RGL3: variants seen among roughly 807,000 people sequenced by gnomAD.
RGL3 encodes the protein ral guanine nucleotide dissociation stimulator-like 3.
RGL3 carries 85 observed loss-of-function variants against 90.6 expected under a neutral mutation model. That is an observed-to-expected ratio of 0.94 (90% CI 0.79 to 1.12). RGL3 has a LOEUF of 1.12. Among genes scored for constraint, RGL3 ranks in the 50% most tolerant of loss-of-function variants. The pLI is 0.00. For missense variants in RGL3, 1,034 were observed against 939.2 expected (o/e 1.10, Z -1.32); for synonymous variants, 408 against 385.5 (o/e 1.06, Z -0.68).
In RGL3 at chr19:11,405,183, C is replaced by G. The variant is rs57743259; in HGVS notation, c.1149G>C (p.Glu383Asp). 7.4e-6 allele frequency: 12 copies of G among 1,614,016 alleles called. No homozygotes were observed. Among genetic ancestry groups the G allele is most frequent in the Non-Finnish European group, 1.0e-5 (12 of 1,180,018 alleles). ...FRKLSQIFSD[E>D]NNHLSSREIL... The stretch of plus-strand genomic sequence containing the variant: ...TCTCTCTGCTGCTGAGGTGGTTGTT[C>G]TCATCGGAGAAAATCTGCGAAAGTT... Residue 383 changes from glutamate to aspartate, a missense_variant, in exon 9 of 19, where the codon GAG (glutamate) becomes GAC (aspartate). Glu to Asp is a conservative substitution (Grantham distance 45). Coordinates refer to ENST00000380456, the MANE Select transcript of RGL3 (RefSeq NM_001035223.4).
In RGL3 at chr19:11,402,687, G is replaced by C. The variant is rs751368668; in HGVS notation, c.1205C>G (p.Ser402Cys). 24 of 1,613,696 alleles carry C rather than the reference G, an allele frequency of 1.5e-5. No homozygotes were observed. In the Admixed American group the frequency reaches 2.5e-4, roughly 17 times the overall value. The change falls in exon 10 of 19, where the codon TCC becomes TGC. Residue 402 changes from serine (S) to cysteine (C), a missense_variant. Coordinates refer to ENST00000380456, the MANE Select transcript of RGL3 (RefSeq NM_001035223.4). Reference protein sequence around the residue: ...ILFQEEATEGSQEEDNTPGSL... With the variant: ...ILFQEEATEGCQEEDNTPGSL... Reference sequence around the variant, plus strand: ...GCCTGGGGTGTTGTCCTCTTCTTGGGATCCCTCAGTGGCCTCCTCCTGAGG... The same window carrying C: ...GCCTGGGGTGTTGTCCTCTTCTTGGCATCCCTCAGTGGCCTCCTCCTGAGG...
intron 9 of RGL3, among the ~76,000 whole-genome samples, chr19:11,404,827 T>C (rs1599434423): frequency 6.6e-6 from 1 of 152,342 alleles, no homozygotes; most frequent in African/African-American, 2.4e-5. Context: ...TTTTTAGTTT[T>C]GCTTATCAAG....
chr19:11,397,966 G>A (rs1344385556), intron 16 of RGL3, among the ~76,000 whole-genome samples: 9 of 151,966 alleles, frequency 5.9e-5, no homozygotes, highest in African/African-American at 1.4e-4. Flanking sequence ...CCAAGATCAC[G>A]CTACTGCACT....
intron 7 of RGL3, 66 bp from the exon 8 acceptor site, chr19:11,405,492 A>ATT: frequency 3.0e-5 from 4 of 132,458 alleles, no homozygotes; most frequent in South Asian, 8.4e-5. Context: ...AAACTTCTTC[A>ATT]TCTTTTTTTT....
chr19:11,394,333 C>A lies in RGL3; in HGVS notation c.*69G>T. On this transcript the variant is annotated 3_prime_UTR_variant, in exon 19 of 19. Transcript: ENST00000380456. ...CACAGTGGCCTCTACTGGGGGATGG[C>A]AGCTTTCCAGGAGAAGAGTCGCAAG... 8.1e-7 allele frequency: 1 copy of A among 1,233,582 alleles called. No individual in the cohort carries two copies. Among genetic ancestry groups the A allele is most frequent in the Non-Finnish European group, 1.2e-6 (1 of 834,516 alleles). The allele number at this position is 1,233,582 out of a possible 1,614,324, so 76.4% of individuals were successfully genotyped here. A position where few individuals can be genotyped will look rare whatever the true frequency, so the allele number is the denominator to read the frequency against.
In RGL3 at chr19:11,406,415, A is replaced by T; in HGVS notation, c.996+4T>A. The T allele has an allele frequency of 6.5e-7, 1 of 1,530,444 alleles. No individual in the cohort carries two copies. The highest frequency in any genetic ancestry group is 8.8e-7 in the Non-Finnish European group (1 of 1,142,164). 94.8% of individuals were successfully genotyped at this position (1,530,444 alleles called of 1,614,324 possible). Reference sequence around the variant, plus strand: ...CGCATCCCCTCTCCGCGCCCGCAACACACCTGGGCGATGCGGATCCACTTC... The same window carrying T: ...CGCATCCCCTCTCCGCGCCCGCAACTCACCTGGGCGATGCGGATCCACTTC... On this transcript the variant is annotated splice_donor_region_variant and intron_variant, in intron 7 of 18. Coordinates refer to ENST00000380456, the MANE Select transcript of RGL3 (RefSeq NM_001035223.4).
At chr19:11,397,194 C>G in intron 18 of RGL3, 50 bp downstream of exon 18, 1 of 1,521,900 alleles carries the variant, frequency 6.6e-7, no homozygotes, top group East Asian at 2.3e-5. Flanking sequence ...GGTCAGTCTG[C>G]TCGCCTCCCC....
chr19:11,400,009 C>T, intron 15 of RGL3, 31 bp downstream of exon 15: 1 of 1,601,534 alleles, frequency 6.2e-7, no homozygotes. Context: ...ATCCCATGAT[C>T]CCCAGTCCCA....
intron 5 of RGL3, among the ~76,000 whole-genome samples, chr19:11,414,327 A>ATATATATATATACCTT (rs1424322614): frequency 1.7e-5 from 1 of 58,204 alleles, no homozygotes; most frequent in Non-Finnish European, 2.9e-5. Context: ...ATACCTTCAT[A>ATATATATATATACCTT]TATATATATA....
At chr19:11,398,033 AT>A (rs1968609293) in intron 16 of RGL3, among the ~76,000 whole-genome samples, 1 of 151,382 alleles carries the variant, frequency 6.6e-6, no homozygotes, top group Non-Finnish European at 1.5e-5. Context: ...AAATAATAAA[AT>A]AAAATAAAAT....
intron 7 of RGL3, 149 bp from the exon 8 acceptor site, chr19:11,405,575 T>C: frequency 3.1e-6 from 2 of 645,842 alleles, no homozygotes; most frequent in Non-Finnish European, 5.0e-6. Context: ...TGGAGTGCAG[T>C]GGCTCGATCA....
chr19:11,409,282 C>A (rs1198373804), intron 5 of RGL3, among the ~76,000 whole-genome samples: 2 of 152,062 alleles, frequency 1.3e-5, no homozygotes, highest in Non-Finnish European at 2.9e-5. Context: ...AGATCGAGAC[C>A]ATCCTGGCTA....
intron 5 of RGL3, 59 bp from the exon 6 acceptor site, chr19:11,406,923 C>T: frequency 7.8e-6 from 12 of 1,535,038 alleles, no homozygotes; most frequent in African/African-American, 1.4e-5. Context: ...GCTGTGTGAC[C>T]TTGGGTGAGT....
At chr19:11,416,331 C>T (rs1224155255) in intron 4 of RGL3, 183 bp from the exon 5 acceptor site, 6 of 621,688 alleles carry the variant, frequency 9.7e-6, no homozygotes, top group African/African-American at 9.2e-5. Context: ...GGACTACAGG[C>T]ATGCGCCACC....
intron 9 of RGL3, among the ~76,000 whole-genome samples, chr19:11,403,116 G>T (rs1470898140): frequency 1.3e-5 from 2 of 151,068 alleles, no homozygotes; most frequent in East Asian, 2.1e-4. Context: ...CTCACTGCAG[G>T]CTCCGCCCCC....
Position 11,405,204 on chromosome 19 carries a change from A to C in RGL3, c.1128T>G (p.Leu376=). 6.2e-7 allele frequency: 1 copy of C among 1,614,120 alleles called. No homozygotes were observed. Among genetic ancestry groups the C allele is most frequent in the Non-Finnish European group, 8.5e-7 (1 of 1,180,018 alleles). The part of the protein sequence containing the change: ...SREPLSTFRK[L]SQIFSDENNH... Reference sequence around the variant, plus strand: ...TGTTCTCATCGGAGAAAATCTGCGAAAGTTTCCTGAAAGTAGATAGCGGTT... The same window carrying C: ...TGTTCTCATCGGAGAAAATCTGCGACAGTTTCCTGAAAGTAGATAGCGGTT... The change falls in exon 9 of 19, where the codon CTT becomes CTG. Residue 376 remains leucine, a synonymous_variant. Coordinates refer to ENST00000380456, the MANE Select transcript of RGL3 (RefSeq NM_001035223.4).
chr19:11,402,782 T>C lies in RGL3; in HGVS notation c.1186-76A>G. On this transcript the variant is annotated intron_variant, in intron 9 of 18. Transcript: ENST00000380456. The stretch of plus-strand genomic sequence containing the variant: ...CTCAGGAACGATGCCTGCAGACCCA[T>C]CATATATACCCTTCATGCTTTGAGT... 3.2e-6 allele frequency: 4 copies of C among 1,241,914 alleles called. No homozygotes were observed. In the Admixed American group the frequency reaches 5.9e-5, roughly 18 times the overall value. The allele number at this position is 1,241,914 out of a possible 1,614,324, so 76.9% of individuals were successfully genotyped here.
Position 11,416,153 on chromosome 19 carries a change from C to A in RGL3, c.426-5G>T. On this transcript the variant is annotated splice_polypyrimidine_tract_variant and splice_region_variant and intron_variant, in intron 4 of 18. Transcript: ENST00000380456. ...CCCAGCACTGACACCACAGCCCTGGCCAGAGAGGCAGGGTCTCAGAGCTGG... is the reference window on the plus strand; with the variant it reads ...CCCAGCACTGACACCACAGCCCTGGACAGAGAGGCAGGGTCTCAGAGCTGG... 2 of 1,533,758 alleles carry A rather than the reference C, an allele frequency of 1.3e-6. No homozygotes were observed. Among genetic ancestry groups the A allele is most frequent in the Non-Finnish European group, 1.7e-6 (2 of 1,144,424 alleles).
intron 5 of RGL3, among the ~76,000 whole-genome samples, chr19:11,414,504 T>TATATATACACACCTTC (rs1415935921): frequency 2.1e-5 from 2 of 96,736 alleles, no homozygotes; most frequent in Non-Finnish European, 3.9e-5. Context: ...TATATATATA[T>TATATATACACACCTTC]ATATATATAT....
Sources: allele counts gnomAD v4.1 joint callset (sites outside exome capture counted in the v4.1 genomes callset), GRCh38; gene constraint gnomAD v4.1.1; transcripts MANE v1.5; gene names NCBI Gene and HGNC (gene_info 2026-07-23, HGNC 2026-07-21).